Variants in CIDEA observed in about 807,000 individuals in gnomAD.
The protein encoded by CIDEA is lipid transferase CIDEA.
Under a neutral mutation model 18.2 loss-of-function variants are expected in CIDEA, and 10 were observed. That is an observed-to-expected ratio of 0.55 (90% CI 0.34 to 0.93). The LOEUF is 0.93. CIDEA is among the 40% of genes least tolerant of loss of function. CIDEA has a pLI of 0.02. For synonymous variants in CIDEA, 128 were observed against 124.8 expected, an observed-to-expected ratio of 1.03 and a Z score of -0.17; for missense variants, 309 against 293.1, an observed-to-expected ratio of 1.05 and a Z score of -0.40.
chr18:12,276,216 T>A (rs1905328962), intron 4 of CIDEA, among the ~76,000 whole-genome samples: 1 of 151,976 alleles, frequency 6.6e-6, no homozygotes, highest in Non-Finnish European at 1.5e-5. Flanking sequence ...CTGGTCTCAA[T>A]CTACTGGCCT....
chr18:12,277,235 C>CCT lies in CIDEA; in HGVS notation c.625_626insCT (p.Arg209ProfsTer35). 1.2e-6 allele frequency: 2 copies of CCT among 1,614,108 alleles called. No individual in the cohort carries two copies. The highest frequency in any genetic ancestry group is 1.7e-6 in the Non-Finnish European group (2 of 1,180,006). On this transcript the variant is annotated frameshift_variant, in exon 5 of 5. Transcript: ENST00000320477. LOFTEE classifies it low-confidence loss of function (END_TRUNC). Reference sequence around the variant, plus strand: ...TGACAAGGAAGAGCGGCCATCCCTCCGGTCACAAGCCAAGGGCAGGTTCAC... The same window carrying CCT: ...TGACAAGGAAGAGCGGCCATCCCTCCCTGGTCACAAGCCAAGGGCAGGTTCAC...
At chr18:12,271,460 C>T (rs1245513382) in intron 3 of CIDEA, among the ~76,000 whole-genome samples, 1 of 152,222 alleles carries the variant, frequency 6.6e-6, no homozygotes, top group African/African-American at 2.4e-5. Context: ...GGCGGCCCTG[C>T]GCCCTGGCTT....
intron 3 of CIDEA, 35 bp from the exon 4 acceptor site, chr18:12,274,058 G>T (rs143422573): frequency 5.9e-5 from 95 of 1,610,590 alleles, no homozygotes; most frequent in South Asian, 1.9e-4. Context: ...GGTTAGGAAG[G>T]CTCCTGAAGC....
Position 12,268,229 on chromosome 18 carries a change from C to CTTTT in CIDEA, c.330+3776_330+3777insTTTT, listed in dbSNP as rs1491473988. Among the ~76,000 whole-genome samples, 12 of 73,002 alleles carry CTTTT rather than the reference C, an allele frequency of 1.6e-4. 4 individuals carry two copies. The highest frequency in any genetic ancestry group is 5.3e-4 in the South Asian group (1 of 1,872). The allele number at this position is 73,002 out of a possible 152,430, so 47.9% of individuals were successfully genotyped here. On this transcript the variant is annotated intron_variant, in intron 3 of 4. Coordinates refer to ENST00000320477, the MANE Select transcript of CIDEA (RefSeq NM_001279.4). ...ACAAGTGCCTGCCACCATGCCCGGC[C>CTTTT]ATTTTTTTTTTTTTTTTTTTTTTCA...
chr18:12,273,900 G>C (rs1170996636), intron 3 of CIDEA, among the ~76,000 whole-genome samples, 193 bp from the exon 4 acceptor site: 3 of 152,216 alleles, frequency 2.0e-5, no homozygotes, highest in African/African-American at 7.2e-5. Flanking sequence ...CAGACGCCTC[G>C]TGGCTAATTG....
intron 3 of CIDEA, among the ~76,000 whole-genome samples, chr18:12,272,149 T>TGTGGGGGG (rs1555662634): frequency 5.3e-4 from 4 of 7,490 alleles, no homozygotes; most frequent in African/African-American, 1.5e-3. Context: ...AGTGTGTGTG[T>TGTGGGGGG]GGGGGGGGGG....
At chr18:12,255,682 C>T (rs766890952) in intron 1 of CIDEA, among the ~76,000 whole-genome samples, 14 of 152,204 alleles carry the variant, frequency 9.2e-5, no homozygotes, top group Non-Finnish European at 1.8e-4. Context: ...ACCCACTGTT[C>T]CTCCGGAGCA....
At chr18:12,270,894 CTTTTTT>C (rs771335202) in intron 3 of CIDEA, among the ~76,000 whole-genome samples, 8 of 60,020 alleles carry the variant, frequency 1.3e-4, no homozygotes, top group African/African-American at 2.7e-4. Context: ...TTTTTCTTTT[CTTTTTT>C]TTTTTTTTTT....
chr18:12,262,658 C>G (rs145101376), intron 1 of CIDEA, among the ~76,000 whole-genome samples, 167 bp from the exon 2 acceptor site: 7 of 152,114 alleles, frequency 4.6e-5, no homozygotes, highest in Non-Finnish European at 1.0e-4. Flanking sequence ...TTACTTGTTT[C>G]TTCTTTGGAA....
intron 2 of CIDEA, among the ~76,000 whole-genome samples, 188 bp from the exon 3 acceptor site, chr18:12,264,119 A>T (rs555922858): frequency 6.6e-6 from 1 of 152,328 alleles, no homozygotes; most frequent in Non-Finnish European, 1.5e-5. Context: ...TCTTAAAAAG[A>T]ACATTCTTCA....
chr18:12,261,908 CA>C lies in CIDEA; in HGVS notation c.39-913del, dbSNP rs1912203614. Among the ~76,000 whole-genome samples the C allele has an allele frequency of 2.6e-5, 4 of 151,392 alleles. No individual in the cohort carries two copies. The South Asian group carries it at 8.5e-4, about 32-fold the overall frequency. On this transcript the variant is annotated intron_variant, in intron 1 of 4. Transcript: ENST00000320477. ...GGTTTTGCATTTCTTAAATTGCTAT[CA>C]AAAGCTTCATCTGGGAGGCTGAGGC...
At chr18:12,274,559 A>G (rs1199634507) in intron 4 of CIDEA, among the ~76,000 whole-genome samples, 1 of 152,252 alleles carries the variant, frequency 6.6e-6, no homozygotes, top group Non-Finnish European at 1.5e-5. Context: ...TTTAAGAACT[A>G]GAGCACTTAA....
rs141811171 is a variant in CIDEA at position 12,273,391 on chromosome 18, G to A, written c.331-702G>A. On this transcript the variant is annotated intron_variant, in intron 3 of 4. Transcript: ENST00000320477. ...AGCTCCTGGCCTGTCATTTGTACTGGGGGCAGCTTTGCTCTCATATTTTTA... is the reference window on the plus strand; with the variant it reads ...AGCTCCTGGCCTGTCATTTGTACTGAGGGCAGCTTTGCTCTCATATTTTTA... 4.5e-4 allele frequency among the ~76,000 whole-genome samples: 68 copies of A among 152,240 alleles called. 1 individual carries two copies. The East Asian group carries it at 0.013, about 29-fold the overall frequency.
intron 1 of CIDEA, among the ~76,000 whole-genome samples, chr18:12,261,738 AT>A (rs978553672): frequency 4.6e-5 from 7 of 150,828 alleles, no homozygotes; most frequent in Admixed American, 6.6e-5. Flanking sequence ...CACCCAGCTA[AT>A]TTTTTTTTAT....
intron 4 of CIDEA, among the ~76,000 whole-genome samples, chr18:12,274,923 G>A (rs182370583): frequency 1.3e-5 from 2 of 152,342 alleles, no homozygotes; most frequent in East Asian, 3.9e-4. Context: ...CCCTGCCATT[G>A]AGCCTGGGAC....
chr18:12,260,063 A>G lies in CIDEA; in HGVS notation c.39-2762A>G, dbSNP rs529809197. Reference sequence around the variant, plus strand: ...TGGTGAGGCACCTGGAGAAGGCACAAACACTCACGATTATGGAAAGCCTGA... The same window carrying G: ...TGGTGAGGCACCTGGAGAAGGCACAGACACTCACGATTATGGAAAGCCTGA... On this transcript the variant is annotated intron_variant, in intron 1 of 4. Coordinates refer to ENST00000320477, the MANE Select transcript of CIDEA (RefSeq NM_001279.4). 2.0e-5 allele frequency among the ~76,000 whole-genome samples: 3 copies of G among 152,288 alleles called. No individual in the cohort carries two copies. In the South Asian group the frequency reaches 6.2e-4, roughly 32 times the overall value.
In CIDEA at chr18:12,274,279, C is replaced by A. The variant is rs1438316922; in HGVS notation, c.512+5C>A. 5 of 1,613,852 alleles carry A rather than the reference C, an allele frequency of 3.1e-6. No individual in the cohort carries two copies. The Admixed American group carries it at 8.3e-5, about 27-fold the overall frequency. ...GGGACTCAAGGGCCTGCTGAGGTAA[C>A]ACACTCCAGGGGTCACCTCCGGGGG... is the stretch of plus-strand genomic sequence containing the variant. On this transcript the variant is annotated splice_donor_5th_base_variant and intron_variant, in intron 4 of 4. Transcript: ENST00000320477.
chr18:12,264,616 C>T (rs527978736), intron 3 of CIDEA, among the ~76,000 whole-genome samples, 163 bp downstream of exon 3: 212 of 151,576 alleles, frequency 1.4e-3, no homozygotes, highest in African/African-American at 2.0e-3. Flanking sequence ...TGCAGTGGCG[C>T]GATCTCGGCT....
At chr18:12,268,546 CCTGG>C (rs1039514421) in intron 3 of CIDEA, among the ~76,000 whole-genome samples, 2 of 151,712 alleles carry the variant, frequency 1.3e-5, no homozygotes, top group African/African-American at 4.8e-5. Flanking sequence ...TGCCACCATG[CCTGG>C]CTGATTTTTG....
Sources: gnomAD v4.1 joint callset for allele counts (sites outside exome capture counted in the v4.1 genomes callset) on GRCh38, gnomAD v4.1.1 for gene constraint, MANE v1.5 for transcripts, NCBI Gene and HGNC (gene_info 2026-07-23, HGNC 2026-07-21) for gene names.